Variants in CYFIP2 observed in about 807,000 individuals in gnomAD.
The protein encoded by CYFIP2 is cytoplasmic FMR1 interacting protein 2.
In CYFIP2, 29 loss-of-function variants were observed where a neutral mutation model predicts 158.7. That is an observed-to-expected ratio of 0.18 (90% CI 0.14 to 0.25). The LOEUF is 0.25. CYFIP2 is among the 10% of genes least tolerant of loss of function. The probability of loss-of-function intolerance (pLI) is 1.00; values close to 1 mark genes in which losing one functional copy is unlikely to be tolerated. For synonymous variants in CYFIP2, 585 were observed against 617.6 expected, an observed-to-expected ratio of 0.95 and a Z score of 0.78; for missense variants, 852 against 1,639.5, an observed-to-expected ratio of 0.52 and a Z score of 8.29.
At chr5:157,326,789 C>T (rs1761055897) in intron 18 of CYFIP2, among the ~76,000 whole-genome samples, 1 of 152,162 alleles carries the variant, frequency 6.6e-6, no homozygotes, top group Non-Finnish European at 1.5e-5. Context: ...GCTGATGACC[C>T]TTGAAGCTCA....
chr5:157,375,875 A>G (rs1765423804), intron 26 of CYFIP2: 1 of 152,064 alleles, frequency 6.6e-6, no homozygotes, highest in African/African-American at 2.4e-5. Flanking sequence ...GTCCTCGGTT[A>G]CCAAGAGCCC....
At chr5:157,289,238 G>A (rs974558095) in intron 3 of CYFIP2, among the ~76,000 whole-genome samples, 14 of 152,156 alleles carry the variant, frequency 9.2e-5, no homozygotes, top group African/African-American at 2.9e-4. Context: ...GAGATGAGAC[G>A]GGGAGAGCAC....
chr5:157,305,792 T>C lies in CYFIP2; in HGVS notation c.795+1426T>C, dbSNP rs143294965. ...GGCCTCCAAAAGTGCTGGGATTACG[T>C]GCATGAGGCACTGCGCCTGGCCTAC... On this transcript the variant is annotated intron_variant, in intron 8 of 30. Coordinates refer to ENST00000620254, the MANE Select transcript of CYFIP2 (RefSeq NM_001037333.3). Among the ~76,000 whole-genome samples the C allele has an allele frequency of 5.4e-3, 827 of 152,354 alleles. 12 individuals are homozygous for C. Among genetic ancestry groups the C allele is most frequent in the African/African-American group, 0.019 (787 of 41,580 alleles).
At chr5:157,308,689 T>A (rs1415141416) in intron 9 of CYFIP2, among the ~76,000 whole-genome samples, 1 of 152,140 alleles carries the variant, frequency 6.6e-6, no homozygotes, top group South Asian at 2.1e-4. Flanking sequence ...GGAACATAAG[T>A]CACTAAGAGG....
intron 26 of CYFIP2, among the ~76,000 whole-genome samples, chr5:157,362,279 A>C (rs1763905144): frequency 6.6e-6 from 1 of 152,186 alleles, no homozygotes. Flanking sequence ...CTGCGGTCAG[A>C]GTTCGGCCTG....
chr5:157,365,207 G>A (rs899538430), intron 26 of CYFIP2: 4 of 152,156 alleles, frequency 2.6e-5, no homozygotes, highest in African/African-American at 4.8e-5. Flanking sequence ...GCACATTCAT[G>A]TATTATTATT....
At chr5:157,346,750 A>G (rs1156696847) in intron 23 of CYFIP2, among the ~76,000 whole-genome samples, 3 of 152,232 alleles carry the variant, frequency 2.0e-5, no homozygotes. Flanking sequence ...GTGCAGAAAC[A>G]GCCCCAGAGT....
rs576535291 is a variant in CYFIP2, at chr5:157,324,195, T to C, written c.1825+121T>C. On this transcript the variant is annotated intron_variant, in intron 16 of 30. Transcript: ENST00000620254. ...GACCGTTGACCCTAAGGGGCACATA[T>C]CACCACCAAGGAAAAAACACATACA... 42 of 1,191,618 alleles carry C rather than the reference T, an allele frequency of 3.5e-5. 1 individual carries two copies. In the East Asian group the frequency reaches 1.1e-3, roughly 30 times the overall value. The allele number at this position is 1,191,618 out of a possible 1,614,324, so 73.8% of individuals were successfully genotyped here. A position where few individuals can be genotyped will look rare whatever the true frequency, so the allele number is the denominator to read the frequency against.
chr5:157,355,727 T>C, intron 23 of CYFIP2, among the ~76,000 whole-genome samples: 1 of 152,206 alleles, frequency 6.6e-6, no homozygotes, highest in Admixed American at 6.5e-5. Flanking sequence ...AATTCCTTTC[T>C]GAAATATTTG....
At chr5:157,367,807 T>C (rs1332803977) in intron 26 of CYFIP2, among the ~76,000 whole-genome samples, 1 of 142,566 alleles carries the variant, frequency 7.0e-6, no homozygotes, top group Non-Finnish European at 1.5e-5. Context: ...CAGGCTGGAG[T>C]GCAGTGGCAT....
At chr5:157,338,237 G>A (rs755044664) in intron 21 of CYFIP2, among the ~76,000 whole-genome samples, 4 of 152,172 alleles carry the variant, frequency 2.6e-5, no homozygotes, top group East Asian at 1.9e-4. Flanking sequence ...GGTTTCCTTC[G>A]TTCAGGGCCC....
At chr5:157,384,930 A>T (rs1251477224) in intron 28 of CYFIP2, 7 of 110,014 alleles carry the variant, frequency 6.4e-5, no homozygotes, top group African/African-American at 2.5e-4. Context: ...ACAGAGCAAG[A>T]CTCCATCTCA....
chr5:157,345,631 C>G (rs1161732913), intron 23 of CYFIP2: 2 of 152,740 alleles, frequency 1.3e-5, no homozygotes, highest in Non-Finnish European at 2.9e-5. Context: ...CTCCTCTGCT[C>G]TGGGCTTTCC....
At chr5:157,388,904 CTTTTCAAT>C (rs1283641266) in intron 28 of CYFIP2, among the ~76,000 whole-genome samples, 2 of 152,216 alleles carry the variant, frequency 1.3e-5, no homozygotes, top group Non-Finnish European at 2.9e-5. Flanking sequence ...TCATGTCAGT[CTTTTCAAT>C]GGCTATCCAG....
chr5:157,391,757 A>C (rs1396222033), intron 30 of CYFIP2, among the ~76,000 whole-genome samples: 1 of 152,222 alleles, frequency 6.6e-6, no homozygotes. Flanking sequence ...ATAACTCTAC[A>C]AATTTCTGCT....
intron 11 of CYFIP2, among the ~76,000 whole-genome samples, chr5:157,312,388 C>T (rs1325577990): frequency 6.6e-6 from 1 of 150,772 alleles, no homozygotes; most frequent in African/African-American, 2.4e-5. Flanking sequence ...CCCAAATAAG[C>T]GAAAGGAGAG....
chr5:157,391,810 T>C (rs1227411842), intron 30 of CYFIP2, among the ~76,000 whole-genome samples: 8 of 150,014 alleles, frequency 5.3e-5, no homozygotes, highest in Admixed American at 4.7e-4. Context: ...AATTGCTGGA[T>C]CGTATGGTAA....
At chr5:157,366,661 T>C (rs1292865909) in intron 26 of CYFIP2, among the ~76,000 whole-genome samples, 1 of 152,262 alleles carries the variant, frequency 6.6e-6, no homozygotes, top group Non-Finnish European at 1.5e-5. Context: ...TATCCATAAA[T>C]GGTCTGGTCA....
At chr5:157,295,023 A>G (rs1477041248) in intron 4 of CYFIP2, among the ~76,000 whole-genome samples, 163 bp downstream of exon 4, 1 of 152,268 alleles carries the variant, frequency 6.6e-6, no homozygotes, top group Non-Finnish European at 1.5e-5. Flanking sequence ...AGAGCTTCCC[A>G]TAAAAGTGAT....
Sources: allele counts gnomAD v4.1 joint callset (sites outside exome capture counted in the v4.1 genomes callset), GRCh38; gene constraint gnomAD v4.1.1; transcripts MANE v1.5; gene names NCBI Gene and HGNC (gene_info 2026-07-23, HGNC 2026-07-21).